The following LAMA1 variants were observed in gnomAD, a reference collection of about 807,000 sequenced individuals.
LAMA1 encodes laminin subunit alpha-1.
In LAMA1, 219 loss-of-function variants were observed where a neutral mutation model predicts 348.7. The ratio of observed to expected loss-of-function variants is 0.63; its 90% CI spans 0.56 to 0.70. The LOEUF (loss-of-function observed/expected upper bound fraction) is 0.70, where lower values mean the gene tolerates loss of function less well. Among genes scored for constraint, LAMA1 ranks in the 30% least tolerant of loss-of-function variants. The probability of loss-of-function intolerance (pLI) is 0.00; values close to 1 mark genes in which losing one functional copy is unlikely to be tolerated. For missense variants in LAMA1, 3,744 were observed against 3,888.0 expected (o/e 0.96, Z 0.99); for synonymous variants, 1,487 against 1,491.0 (o/e 1.00, Z 0.06).
In LAMA1 at chr18:6,973,061, A is replaced by C. The variant is rs184034913; in HGVS notation, c.6770T>G (p.Ile2257Ser). The C allele has an allele frequency of 1.9e-5, 31 of 1,614,120 alleles. No individual in the cohort carries two copies. The Admixed American group carries it at 5.2e-4, about 27-fold the overall frequency. ...GAAGAACTTTCGTAATGTTACCTTGATTTGTCCTCCAAGACCTCCAACAAA... is the reference window on the plus strand; with the variant it reads ...GAAGAACTTTCGTAATGTTACCTTGCTTTGTCCTCCAAGACCTCCAACAAA... ...LMFVGGLGGQ[I>S]KKSPAVKVTH... Residue 2257 changes from isoleucine (I) to serine (S), a missense_variant, in exon 47 of 63, where the codon ATC (isoleucine) becomes AGC (serine). This residue lies in a region of LAMA1 where 1,983 missense variants were observed against 1,934.3 expected (regional missense o/e 1.03). Transcript: ENST00000389658.
At chr18:7,064,211 ATT>A (rs1203091189) in intron 3 of LAMA1, among the ~76,000 whole-genome samples, 2 of 152,058 alleles carry the variant, frequency 1.3e-5, no homozygotes, top group Non-Finnish European at 2.9e-5. Flanking sequence ...AGAATATGCC[ATT>A]TTTAATACAA....
intron 7 of LAMA1, among the ~76,000 whole-genome samples, chr18:7,044,520 A>C (rs1232039364): frequency 6.6e-6 from 1 of 152,144 alleles, no homozygotes; most frequent in African/African-American, 2.4e-5. Context: ...GGGAAGGGGG[A>C]CTCATAGATA....
chr18:7,065,961 G>A (rs546689749), intron 3 of LAMA1, among the ~76,000 whole-genome samples: 8 of 152,104 alleles, frequency 5.3e-5, no homozygotes, highest in African/African-American at 1.9e-4. Flanking sequence ...GTCTGAGGAG[G>A]TGCACGGCAT....
chr18:6,997,830 T>TCAC lies in LAMA1; in HGVS notation c.4715_4717dup (p.Gly1572dup). The TCAC allele has an allele frequency of 6.2e-7, 1 of 1,614,124 alleles. No individual in the cohort carries two copies. Among genetic ancestry groups the TCAC allele is most frequent in the Non-Finnish European group, 8.5e-7 (1 of 1,179,960 alleles). ...AGTGAGGTTCAGAGAAAGAACGGCA[T>TCAC]CACCAATCTCATCCAAGTCATTCAG... On this transcript the variant is annotated inframe_insertion, in exon 33 of 63. Coordinates refer to ENST00000389658, the MANE Select transcript of LAMA1 (RefSeq NM_005559.4).
intron 59 of LAMA1, 151 bp from the exon 60 acceptor site, chr18:6,948,707 C>G (rs932227436): frequency 2.5e-6 from 2 of 815,456 alleles, no homozygotes; most frequent in Non-Finnish European, 3.9e-6. Context: ...CAATACTTCA[C>G]ATGAATGTCT....
At position 6,965,404 on chromosome 18, in the gene LAMA1, C is replaced by T. The variant is rs141811330; in HGVS notation, c.7079G>A (p.Arg2360His). 34 of 1,613,968 alleles carry T rather than the reference C, an allele frequency of 2.1e-5. No homozygotes were observed. The highest frequency in any genetic ancestry group is 1.6e-4 in the Middle Eastern group (1 of 6,084). The change falls in exon 50 of 63, where the codon CGT becomes CAT. Residue 2360 changes from arginine to histidine, a missense_variant. Arg to His is a conservative substitution (Grantham distance 29). Around this residue, in one of 3 missense-constraint regions of LAMA1, gnomAD observed 1,983 missense variants for 1,934.3 expected, o/e 1.03. Transcript: ENST00000389658. ...GTCAGTCATAACCTTCACTCTGCCA[C>T]GAAACAGCTCGATGGATAAAAAGTC... ...TKDFLSIELFRGRVKVMTDLG... is the reference protein window; with the variant it reads ...TKDFLSIELFHGRVKVMTDLG...
At chr18:6,974,645 T>G (rs1322365940) in intron 46 of LAMA1, among the ~76,000 whole-genome samples, 3 of 151,814 alleles carry the variant, frequency 2.0e-5, no homozygotes, top group Non-Finnish European at 4.4e-5. Flanking sequence ...TTAGTAGAGA[T>G]GGGGTTTCAC....
chr18:6,950,547 C>T (rs903614300), intron 58 of LAMA1, among the ~76,000 whole-genome samples: 1 of 152,178 alleles, frequency 6.6e-6, no homozygotes, highest in African/African-American at 2.4e-5. Flanking sequence ...TTGTTCATCC[C>T]GCCAATGTTT....
chr18:6,951,899 G>C (rs551226591), intron 57 of LAMA1, among the ~76,000 whole-genome samples: 5 of 152,222 alleles, frequency 3.3e-5, no homozygotes, highest in Non-Finnish European at 5.9e-5. Context: ...CCGCGGCAAC[G>C]GCAAAGAGCA....
At chr18:7,013,682 T>A in intron 23 of LAMA1, 133 bp downstream of exon 23, 1 of 798,148 alleles carries the variant, frequency 1.3e-6, no homozygotes, top group South Asian at 1.5e-5. Flanking sequence ...GACTTTGAAC[T>A]CAGATGCGGA....
chr18:6,998,010 C>G (rs1032084162), intron 32 of LAMA1, 126 bp from the exon 33 acceptor site: 2 of 820,322 alleles, frequency 2.4e-6, no homozygotes, highest in East Asian at 2.5e-5. Context: ...TCCAAGACCC[C>G]GTGCACCACA....
chr18:6,946,662 T>C (rs1230394245), intron 61 of LAMA1, among the ~76,000 whole-genome samples: 1 of 152,024 alleles, frequency 6.6e-6, no homozygotes, highest in Non-Finnish European at 1.5e-5. Flanking sequence ...GAGGTTGCAG[T>C]GAGCTGAGAT....
chr18:7,042,357 G>T (rs908192153), intron 8 of LAMA1, 107 bp from the exon 9 acceptor site: 1 of 733,762 alleles, frequency 1.4e-6, no homozygotes, highest in Non-Finnish European at 2.5e-6. Context: ...GGACTATTAC[G>T]ATGATTTTGT....
chr18:7,044,714 A>G lies in LAMA1; in HGVS notation c.976+8T>C, dbSNP rs1417855680. 6.2e-7 allele frequency: 1 copy of G among 1,606,776 alleles called. No individual in the cohort carries two copies. On this transcript the variant is annotated splice_region_variant and intron_variant, in intron 7 of 62. Transcript: ENST00000389658. The stretch of plus-strand genomic sequence containing the variant: ...CTGTACTGACCTTCAGATTCTAAGT[A>G]TACTGACCTTCACATGTATTGCCGG...
At chr18:7,046,196 G>T in intron 6 of LAMA1, 82 bp downstream of exon 6, 1 of 894,212 alleles carries the variant, frequency 1.1e-6, no homozygotes, top group Non-Finnish European at 1.8e-6. Flanking sequence ...ATGTTTGTTT[G>T]GAATAAAAAA....
intron 53 of LAMA1, 194 bp from the exon 54 acceptor site, chr18:6,959,686 G>T: frequency 1.6e-6 from 1 of 630,228 alleles, no homozygotes; most frequent in Non-Finnish European, 2.8e-6. Context: ...TTTATATTCT[G>T]CATTATGCTA....
At chr18:7,084,016 T>C (rs1015707302) in intron 1 of LAMA1, among the ~76,000 whole-genome samples, 2 of 128,824 alleles carry the variant, frequency 1.6e-5, no homozygotes, top group African/African-American at 6.0e-5. Flanking sequence ...GAGGTTGCAG[T>C]GAGCTGAGAT....
At chr18:6,965,504 A>T (rs1417464810) in intron 49 of LAMA1, 72 bp from the exon 50 acceptor site, 5 of 1,551,820 alleles carry the variant, frequency 3.2e-6, no homozygotes, top group Non-Finnish European at 4.4e-6. Flanking sequence ...CAAGTCAGGG[A>T]TGGCTGAAAC....
In LAMA1 at chr18:7,105,542, G is replaced by A. The variant is rs116475056; in HGVS notation, c.61+12118C>T. On this transcript the variant is annotated intron_variant, in intron 1 of 62. Coordinates refer to ENST00000389658, the MANE Select transcript of LAMA1 (RefSeq NM_005559.4). ...ATAAAGACAGCTAGACCCTGGAGTCGCCAGACATGAGAAGGTGCAAGAGGA... is the reference window on the plus strand; with the variant it reads ...ATAAAGACAGCTAGACCCTGGAGTCACCAGACATGAGAAGGTGCAAGAGGA... 9.0e-3 allele frequency among the ~76,000 whole-genome samples: 1,363 copies of A among 152,208 alleles called. 26 individuals carry two copies. Among genetic ancestry groups the A allele is most frequent in the African/African-American group, 0.031 (1,300 of 41,536 alleles).
Sources: allele counts gnomAD v4.1 joint callset (sites outside exome capture counted in the v4.1 genomes callset), GRCh38; gene constraint gnomAD v4.1.1; regional missense constraint gnomAD v4.1.1; transcripts MANE v1.5; gene names NCBI Gene and HGNC (gene_info 2026-07-23, HGNC 2026-07-21).